SAMMSON: variants seen among roughly 807,000 people sequenced by gnomAD.
SAMMSON encodes the protein long intergenic non-protein coding RNA 1212.
At chr3:70,027,426 T>A (rs2067045324) in intron 3 of SAMMSON, among the ~76,000 whole-genome samples, 1 of 151,998 alleles carries the variant, frequency 6.6e-6, no homozygotes, top group South Asian at 2.1e-4. Context: ...TAAATTAGAG[T>A]TTTCTTGAAA....
At chr3:70,287,706 T>A (rs1324619204) in intron 6 of SAMMSON, among the ~76,000 whole-genome samples, 1 of 152,064 alleles carries the variant, frequency 6.6e-6, no homozygotes, top group African/African-American at 2.4e-5. Context: ...TTTTGGTTGG[T>A]AAGCTATTGA....
At chr3:70,213,271 A>G (rs1701368211) in intron 4 of SAMMSON, among the ~76,000 whole-genome samples, 2 of 152,010 alleles carry the variant, frequency 1.3e-5, no homozygotes, top group Admixed American at 6.6e-5. Context: ...TACAAATTCT[A>G]TTGCCAAGTT....
chr3:70,308,560 C>G (rs546156550), intron 7 of SAMMSON, among the ~76,000 whole-genome samples: 1 of 152,210 alleles, frequency 6.6e-6, no homozygotes, highest in East Asian at 1.9e-4. Context: ...GGCCCATGAC[C>G]CATTTGGGGA....
At chr3:70,165,872 C>G (rs2067634948) in intron 4 of SAMMSON, among the ~76,000 whole-genome samples, 1 of 151,994 alleles carries the variant, frequency 6.6e-6, no homozygotes, top group African/African-American at 2.4e-5. Flanking sequence ...CCATCCAGCT[C>G]TCTGGATATT....
intron 7 of SAMMSON, among the ~76,000 whole-genome samples, chr3:70,337,141 A>G (rs1702670488): frequency 1.5e-5 from 1 of 67,936 alleles, no homozygotes; most frequent in Non-Finnish European, 3.3e-5. Context: ...CTAACTTAAT[A>G]TTATTATTAA....
At chr3:70,055,258 A>G (rs1026955004) in intron 3 of SAMMSON, among the ~76,000 whole-genome samples, 2 of 152,140 alleles carry the variant, frequency 1.3e-5, no homozygotes, top group African/African-American at 4.8e-5. Context: ...AAATTTGTAT[A>G]TGTTTGAAGT....
intron 4 of SAMMSON, among the ~76,000 whole-genome samples, chr3:70,218,016 G>A (rs925918936): frequency 1.3e-5 from 2 of 152,160 alleles, no homozygotes; most frequent in African/African-American, 4.8e-5. Flanking sequence ...CGAGGGAACA[G>A]AGGAGCAAAT....
At chr3:70,028,465 A>T (rs916105640) in intron 3 of SAMMSON, among the ~76,000 whole-genome samples, 69 of 151,954 alleles carry the variant, frequency 4.5e-4, no homozygotes, top group African/African-American at 1.5e-3. Flanking sequence ...TGGCTGTGAG[A>T]CTCTTGTTCT....
intron 4 of SAMMSON, among the ~76,000 whole-genome samples, chr3:70,195,944 A>T (rs1439556726): frequency 6.6e-6 from 1 of 152,200 alleles, no homozygotes; most frequent in Admixed American, 6.5e-5. Flanking sequence ...ATTATTGATC[A>T]CTTTAATTAT....
intron 9 of SAMMSON, among the ~76,000 whole-genome samples, chr3:70,383,197 A>G (rs1406888545): frequency 3.3e-5 from 5 of 152,012 alleles, no homozygotes; most frequent in African/African-American, 1.2e-4. Context: ...GAGAGTCATT[A>G]ACTTTGTAAA....
chr3:70,042,754 G>T (rs150856519), intron 3 of SAMMSON, among the ~76,000 whole-genome samples: 65 of 152,210 alleles, frequency 4.3e-4, no homozygotes, highest in African/African-American at 1.5e-3. Context: ...AATAAATTAT[G>T]CATGAAATTG....
chr3:70,387,643 T>G (rs952718868), intron 9 of SAMMSON, among the ~76,000 whole-genome samples: 6 of 152,082 alleles, frequency 3.9e-5, no homozygotes, highest in African/African-American at 1.2e-4. Context: ...TGAGTTAAGA[T>G]ATTCTGAATA....
intron 4 of SAMMSON, among the ~76,000 whole-genome samples, chr3:70,193,281 T>G (rs1008343639): frequency 6.6e-6 from 1 of 152,098 alleles, no homozygotes; most frequent in Admixed American, 6.6e-5. Flanking sequence ...AAATATAATT[T>G]TAGTCCCATA....
chr3:70,404,929 G>A (rs1701167306), intron 2 of SAMMSON, among the ~76,000 whole-genome samples: 2 of 152,172 alleles, frequency 1.3e-5, no homozygotes, highest in South Asian at 4.1e-4. Context: ...TCTGCAAAGT[G>A]TCATATTGAG....
At chr3:70,129,625 A>G (rs775980487) in intron 4 of SAMMSON, among the ~76,000 whole-genome samples, 5 of 152,278 alleles carry the variant, frequency 3.3e-5, no homozygotes, top group East Asian at 1.9e-4. Flanking sequence ...ATTTTATTCA[A>G]TGATCCTGGG....
intron 4 of SAMMSON, among the ~76,000 whole-genome samples, chr3:70,149,954 C>T (rs763504469): frequency 1.3e-5 from 2 of 152,060 alleles, no homozygotes; most frequent in African/African-American, 2.4e-5. Flanking sequence ...AAGGCATACT[C>T]TCTAAATTAC....
chr3:70,169,221 G>A (rs1319354092), intron 4 of SAMMSON, among the ~76,000 whole-genome samples: 1 of 152,010 alleles, frequency 6.6e-6, no homozygotes, highest in Non-Finnish European at 1.5e-5. Flanking sequence ...AAGCAAAAGT[G>A]CTTCTCAGTT....
At chr3:70,192,762 GA>G (rs1701140648) in intron 4 of SAMMSON, among the ~76,000 whole-genome samples, 1 of 152,188 alleles carries the variant, frequency 6.6e-6, no homozygotes, top group Non-Finnish European at 1.5e-5. Context: ...TAATATTTGG[GA>G]CATGCTTGCT....
At chr3:70,125,164 T>A (rs2067451666) in intron 4 of SAMMSON, 1 of 1,576,052 alleles carries the variant, frequency 6.3e-7, no homozygotes, top group South Asian at 1.1e-5. Flanking sequence ...ATCCATTAGC[T>A]TCCTTTAAGG....
Sources: gnomAD v4.1 joint callset for allele counts (sites outside exome capture counted in the v4.1 genomes callset) on GRCh38, gnomAD v4.1.1 for gene constraint, MANE v1.5 for transcripts, NCBI Gene and HGNC (gene_info 2026-07-23, HGNC 2026-07-21) for gene names.